The following EEFSEC variants were observed in gnomAD, a reference collection of about 807,000 sequenced individuals.
EEFSEC encodes the protein selenocysteine-specific elongation factor.
A neutral mutation model predicts 42.1 loss-of-function variants in EEFSEC; 43 were observed. That is an observed-to-expected ratio of 1.02 (90% confidence interval 0.80 to 1.32). The LOEUF is 1.32. Among genes scored for constraint, EEFSEC ranks in the 40% most tolerant of loss-of-function variants. The pLI, the probability that EEFSEC is intolerant of heterozygous loss-of-function variation, is 0.00. For synonymous variants in EEFSEC, 354 were observed against 339.1 expected (o/e 1.04, Z -0.48); for missense variants, 745 against 803.6 (o/e 0.93, Z 0.88).
chr3:128,262,247 T>A, intron 3 of EEFSEC, 23 bp downstream of exon 3: 1 of 1,611,844 alleles, frequency 6.2e-7, no homozygotes, highest in East Asian at 2.2e-5. Context: ...TGAATCCAGG[T>A]TGCCCTTTAG....
chr3:128,232,935 C>T (rs374910144), intron 1 of EEFSEC, among the ~76,000 whole-genome samples: 64 of 152,344 alleles, frequency 4.2e-4, no homozygotes, highest in African/African-American at 1.4e-3. Context: ...CTCCACTCTT[C>T]GTGTGTCTTC....
At chr3:128,396,670 C>A (rs2067985385) in intron 6 of EEFSEC, among the ~76,000 whole-genome samples, 1 of 152,208 alleles carries the variant, frequency 6.6e-6, no homozygotes, top group Admixed American at 6.5e-5. Flanking sequence ...CACGTTCTTG[C>A]TGTGTTACCT....
At chr3:128,367,416 A>G (rs1470185490) in intron 6 of EEFSEC, among the ~76,000 whole-genome samples, 2 of 152,224 alleles carry the variant, frequency 1.3e-5, no homozygotes, top group African/African-American at 2.4e-5. Context: ...GTGGCATTGC[A>G]CTGGGGTCTG....
chr3:128,374,235 C>T (rs922364552), intron 6 of EEFSEC, among the ~76,000 whole-genome samples: 2 of 152,222 alleles, frequency 1.3e-5, no homozygotes, highest in African/African-American at 4.8e-5. Flanking sequence ...CACCAGACCC[C>T]CAGGTCATAC....
chr3:128,395,315 GCCCACTCCTGCCTGA>G (rs1354456565), intron 6 of EEFSEC, among the ~76,000 whole-genome samples: 1 of 152,162 alleles, frequency 6.6e-6, no homozygotes, highest in South Asian at 2.1e-4. Flanking sequence ...GCCATCAGTG[GCCCACTCCTGCCTGA>G]CCCACTGCTC....
intron 6 of EEFSEC, among the ~76,000 whole-genome samples, chr3:128,386,835 G>A (rs960825986): frequency 6.6e-6 from 1 of 152,166 alleles, no homozygotes; most frequent in Non-Finnish European, 1.5e-5. Flanking sequence ...TCATCACTGT[G>A]GTGAGGGCAC....
intron 4 of EEFSEC, chr3:128,337,182 A>G (rs1251907518): frequency 6.6e-6 from 1 of 152,072 alleles, no homozygotes; most frequent in African/African-American, 2.4e-5. Flanking sequence ...GGGCTCACTG[A>G]CCACCCCGTG....
At chr3:128,200,746 CG>C (rs1559865926) in intron 1 of EEFSEC, among the ~76,000 whole-genome samples, 1 of 152,176 alleles carries the variant, frequency 6.6e-6, no homozygotes, top group African/African-American at 2.4e-5. Flanking sequence ...GCAGAACAAT[CG>C]TGAGACTGTT....
chr3:128,360,551 C>CTGTA (rs1265429468), intron 6 of EEFSEC, among the ~76,000 whole-genome samples: 3 of 152,200 alleles, frequency 2.0e-5, no homozygotes, highest in African/African-American at 7.2e-5. Flanking sequence ...AGCTCCCTTC[C>CTGTA]TGTAGCCCAA....
At chr3:128,250,419 A>T (rs2066173160) in intron 2 of EEFSEC, among the ~76,000 whole-genome samples, 1 of 151,948 alleles carries the variant, frequency 6.6e-6, no homozygotes, top group Non-Finnish European at 1.5e-5. Context: ...ATTTTGAGTT[A>T]ATTTTTGTAT....
At chr3:128,188,040 G>T (rs1348365838) in intron 1 of EEFSEC, among the ~76,000 whole-genome samples, 2 of 152,186 alleles carry the variant, frequency 1.3e-5, no homozygotes, top group Non-Finnish European at 2.9e-5. Flanking sequence ...TTTACACTTT[G>T]TTCTGGGGGC....
intron 4 of EEFSEC, among the ~76,000 whole-genome samples, chr3:128,321,760 G>A (rs1279084059): frequency 2.6e-5 from 4 of 152,188 alleles, no homozygotes; most frequent in African/African-American, 4.8e-5. Context: ...CTGCACTGGT[G>A]GCCCATCCTT....
intron 6 of EEFSEC, among the ~76,000 whole-genome samples, chr3:128,363,774 G>T (rs956040150): frequency 6.6e-6 from 1 of 152,210 alleles, no homozygotes; most frequent in African/African-American, 2.4e-5. Context: ...GAAGGAGTTT[G>T]GTGGAATAGA....
downstream of EEFSEC, among the ~76,000 whole-genome samples, chr3:128,412,987 G>A (rs1457763100): frequency 6.6e-6 from 1 of 152,178 alleles, no homozygotes; most frequent in African/African-American, 2.4e-5. Flanking sequence ...ACAGGCAGGG[G>A]GATGGGGCAT....
chr3:128,246,744 T>A (rs911774574), intron 1 of EEFSEC, 92 bp from the exon 2 acceptor site: 5 of 1,360,092 alleles, frequency 3.7e-6, no homozygotes, highest in African/African-American at 1.4e-5. Context: ...TTGCTCACTT[T>A]TACTGCAGTG....
intron 6 of EEFSEC, among the ~76,000 whole-genome samples, chr3:128,368,143 G>A (rs578233884): frequency 2.6e-5 from 4 of 152,354 alleles, no homozygotes; most frequent in African/African-American, 7.2e-5. Context: ...CAGAAGTACA[G>A]TCCACAGGCT....
At chr3:128,368,556 G>A (rs2067617572) in intron 6 of EEFSEC, among the ~76,000 whole-genome samples, 1 of 152,186 alleles carries the variant, frequency 6.6e-6, no homozygotes, top group Non-Finnish European at 1.5e-5. Context: ...AATGACAACT[G>A]CGCATGTTAA....
intron 6 of EEFSEC, among the ~76,000 whole-genome samples, chr3:128,406,132 G>A (rs2068107413): frequency 6.6e-6 from 1 of 152,230 alleles, no homozygotes. Flanking sequence ...ACTGCTCCGA[G>A]CCCTGGGCCC....
intron 4 of EEFSEC, among the ~76,000 whole-genome samples, chr3:128,286,419 C>T (rs1165084167): frequency 6.6e-6 from 1 of 152,250 alleles, no homozygotes; most frequent in Non-Finnish European, 1.5e-5. Flanking sequence ...TTACAGGAGA[C>T]TTGTCTCTTC....
Sources: allele counts gnomAD v4.1 joint callset (sites outside exome capture counted in the v4.1 genomes callset), GRCh38; gene constraint gnomAD v4.1.1; transcripts MANE v1.5; gene names NCBI Gene and HGNC (gene_info 2026-07-23, HGNC 2026-07-21).